SLC6A19: variants seen among roughly 807,000 people sequenced by gnomAD.
SLC6A19 encodes the protein sodium-dependent neutral amino acid transporter B(0)AT1.
SLC6A19 carries 67 observed loss-of-function variants against 68.3 expected under a neutral mutation model. The ratio of observed to expected loss-of-function variants is 0.98; its 90% confidence interval spans 0.81 to 1.20. SLC6A19 has a LOEUF of 1.20. Ranked by LOEUF, SLC6A19 falls within the 50% of genes most tolerant of loss-of-function variation. The pLI is 0.00. For synonymous variants in SLC6A19, 392 were observed against 374.9 expected (o/e 1.05, Z -0.53); for missense variants, 813 against 851.6 (o/e 0.95, Z 0.56).
rs746472432 is a variant in SLC6A19, at chr5:1,214,001, G to C, written c.823G>C (p.Val275Leu). 25 of 1,613,592 alleles carry C rather than the reference G, an allele frequency of 1.5e-5. No homozygotes were observed. The highest frequency in any genetic ancestry group is 2.1e-5 in the Non-Finnish European group (25 of 1,180,032). ...CACCTGGCTGGACGCGGGCGCACAG[G>C]TCTTCTTCTCCTTCTCCCTGGCCTT... ...PDTWLDAGAQ[V>L]FFSFSLAFGG... Residue 275 changes from valine to leucine, a missense_variant, in exon 6 of 12, where the codon GTC becomes CTC. Val to Leu is a conservative substitution (Grantham distance 32, BLOSUM62 1). Coordinates refer to ENST00000304460, the MANE Select transcript of SLC6A19 (RefSeq NM_001003841.3). The surrounding 1 kb of genome is among the most constrained non-coding windows in gnomAD (Gnocchi z 7.4).
In SLC6A19 at chr5:1,212,537, A is replaced by C. The variant is rs1218793907; in HGVS notation, c.663+53A>C. ...GGTGCTCCAGAGGGCGGGTGCGGGC[A>C]GCCCTGCCTCCGGCCGGCTGCACTC... On this transcript the variant is annotated intron_variant, in intron 4 of 11. Coordinates refer to ENST00000304460, the MANE Select transcript of SLC6A19 (RefSeq NM_001003841.3). The surrounding 1 kb of genome is among the most constrained non-coding windows in gnomAD (Gnocchi z 5.1). 1.3e-6 allele frequency: 2 copies of C among 1,593,010 alleles called. No individual in the cohort carries two copies. The highest frequency in any genetic ancestry group is 1.7e-6 in the Non-Finnish European group (2 of 1,174,674).
In SLC6A19 at chr5:1,209,347, ACAC is replaced by A. The variant is rs1316392135; in HGVS notation, c.343+462_343+464del. Among the ~76,000 whole-genome samples the A allele has an allele frequency of 6.6e-6, 1 of 152,168 alleles. No homozygotes were observed. The highest frequency in any genetic ancestry group is 6.5e-5 in the Admixed American group (1 of 15,278). On this transcript the variant is annotated intron_variant, in intron 2 of 11. Transcript: ENST00000304460. The surrounding 1 kb of genome is among the most constrained non-coding windows in gnomAD (Gnocchi z 5.5). ...GACCCAGTGCAGCCTCACCAAGAGGACACGGCTCATTAAGCCCTCAGAATATGG... is the reference window on the plus strand; with the variant it reads ...GACCCAGTGCAGCCTCACCAAGAGGAGGCTCATTAAGCCCTCAGAATATGG...
rs1318804719 is a variant in SLC6A19 at position 1,214,779 on chromosome 5, G to C, written c.887+714G>C. Among the ~76,000 whole-genome samples, 1 of 150,772 alleles carries C rather than the reference G, an allele frequency of 6.6e-6. No homozygotes were observed. Among genetic ancestry groups the C allele is most frequent in the African/African-American group, 2.4e-5 (1 of 41,026 alleles). On this transcript the variant is annotated intron_variant, in intron 6 of 11. Transcript: ENST00000304460. The surrounding 1 kb of genome is among the most constrained non-coding windows in gnomAD (Gnocchi z 7.4). ...CCTCCAGGCTGTGAAGGTGCGATTGGAGTCAGACACAGGGGACCCTCAGTG... is the reference window on the plus strand; with the variant it reads ...CCTCCAGGCTGTGAAGGTGCGATTGCAGTCAGACACAGGGGACCCTCAGTG...
At position 1,213,452 on chromosome 5, in the gene SLC6A19, G is replaced by C; in HGVS notation, c.664-11G>C. On this transcript the variant is annotated splice_polypyrimidine_tract_variant and intron_variant, in intron 4 of 11. Coordinates refer to ENST00000304460, the MANE Select transcript of SLC6A19 (RefSeq NM_001003841.3). ...ACTTCCCGCCCATCCCACATGTCCC[G>C]CCCTCCGCAGGCCGTGTACATCACC... The C allele has an allele frequency of 8.2e-7, 1 of 1,221,670 alleles. No homozygotes were observed. The highest frequency in any genetic ancestry group is 1.1e-6 in the Non-Finnish European group (1 of 928,580). The allele number at this position is 1,221,670 out of a possible 1,614,324, so 75.7% of individuals were successfully genotyped here. A position where few individuals can be genotyped will look rare whatever the true frequency, so the allele number is the denominator to read the frequency against.
rs772220705 is a variant in SLC6A19, at chr5:1,208,747, A to T, written c.204A>T (p.Gly68=). 2 of 1,613,318 alleles carry T rather than the reference A, an allele frequency of 1.2e-6. No individual in the cohort carries two copies. Among genetic ancestry groups the T allele is most frequent in the Admixed American group, 1.7e-5 (1 of 60,024 alleles). The change falls in exon 2 of 12, where the codon GGA becomes GGT. Residue 68 remains glycine (G), a splice_region_variant and synonymous_variant. Coordinates refer to ENST00000304460, the MANE Select transcript of SLC6A19 (RefSeq NM_001003841.3). The part of the protein sequence containing the change: ...FPYLCQSHGG[G]AFMIPFLILL... ...CATGGTGGACTCCTCCCATTGCAGG[A>T]GCCTTCATGATCCCGTTCCTCATCC...
intron 1 of SLC6A19, among the ~76,000 whole-genome samples, chr5:1,207,982 T>C (rs1003982228): frequency 6.6e-6 from 1 of 152,234 alleles, no homozygotes; most frequent in Non-Finnish European, 1.5e-5. Context: ...AAGACCGTTG[T>C]CACAGCAGAA....
intron 2 of SLC6A19, among the ~76,000 whole-genome samples, chr5:1,210,123 C>T (rs889015281): frequency 3.3e-5 from 5 of 152,274 alleles, no homozygotes; most frequent in African/African-American, 1.2e-4. Flanking sequence ...GGCCTGGATG[C>T]ACCTGCTGGA....
In SLC6A19 at chr5:1,212,715, C is replaced by A. The variant is rs1011580856; in HGVS notation, c.663+231C>A. ...CAGACTTGGGGCTCCAGGAACTTGA[C>A]GTTGGCCCACACGACACTTAGCGTT... is the stretch of plus-strand genomic sequence containing the variant. On this transcript the variant is annotated intron_variant, in intron 4 of 11. Transcript: ENST00000304460. The surrounding 1 kb of genome is among the most constrained non-coding windows in gnomAD (Gnocchi z 5.1). Among the ~76,000 whole-genome samples the A allele has an allele frequency of 6.6e-6, 1 of 152,014 alleles. No homozygotes were observed. Among genetic ancestry groups the A allele is most frequent in the East Asian group, 1.9e-4 (1 of 5,174 alleles).
At chr5:1,221,587 C>G in intron 11 of SLC6A19, 114 bp from the exon 12 acceptor site, 1 of 1,375,108 alleles carries the variant, frequency 7.3e-7, no homozygotes, top group East Asian at 2.4e-5. Context: ...CCCCAGGCCA[C>G]CCTGCCTGCC....
At chr5:1,208,413 G>T (rs1402403200) in intron 1 of SLC6A19, among the ~76,000 whole-genome samples, 1 of 152,218 alleles carries the variant, frequency 6.6e-6, no homozygotes, top group Admixed American at 6.5e-5. Flanking sequence ...GGGTGGGGAG[G>T]TCGATTCCCA....
At chr5:1,211,951 ATGTGTGCC>A (rs1218017377) in intron 3 of SLC6A19, among the ~76,000 whole-genome samples, 42 of 135,394 alleles carry the variant, frequency 3.1e-4, no homozygotes, top group African/African-American at 1.0e-3. Flanking sequence ...GCATGTGAGC[ATGTGTGCC>A]TGTGTGCATG....
chr5:1,210,977 G>A (rs1278945263), intron 3 of SLC6A19, among the ~76,000 whole-genome samples: 1 of 152,182 alleles, frequency 6.6e-6, no homozygotes, highest in African/African-American at 2.4e-5. Flanking sequence ...GCCCATGTGG[G>A]GCCCGCATTG....
intron 1 of SLC6A19, among the ~76,000 whole-genome samples, chr5:1,204,701 G>A (rs944721251): frequency 1.3e-5 from 2 of 152,244 alleles, no homozygotes; most frequent in Non-Finnish European, 2.9e-5. Context: ...ACAGGGCAGT[G>A]ATGGTGTCCG....
chr5:1,204,627 G>A (rs991088040), intron 1 of SLC6A19, among the ~76,000 whole-genome samples: 3 of 152,170 alleles, frequency 2.0e-5, no homozygotes, highest in Non-Finnish European at 4.4e-5. Flanking sequence ...GTCCCCGTCA[G>A]TGGCTGCTGA....
At position 1,215,728 on chromosome 5, in the gene SLC6A19, T is replaced by A. The variant is rs1355791944; in HGVS notation, c.888-830T>A. On this transcript the variant is annotated intron_variant, in intron 6 of 11. Transcript: ENST00000304460. The surrounding 1 kb of genome is among the most constrained non-coding windows in gnomAD (Gnocchi z 5.1). Reference sequence around the variant, plus strand: ...GTACGCGTTTTTGTGGACGCATGCTTTCGTTCTTCTGGGTGTGCGCCTAGG... The same window carrying A: ...GTACGCGTTTTTGTGGACGCATGCTATCGTTCTTCTGGGTGTGCGCCTAGG... Among the ~76,000 whole-genome samples the A allele has an allele frequency of 6.6e-6, 1 of 152,188 alleles. No individual in the cohort carries two copies. The highest frequency in any genetic ancestry group is 2.4e-5 in the African/African-American group (1 of 41,446).
chr5:1,203,382 C>G (rs944159885), intron 1 of SLC6A19, among the ~76,000 whole-genome samples: 7 of 152,180 alleles, frequency 4.6e-5, no homozygotes, highest in East Asian at 1.9e-4. Context: ...GGCGCTGCAC[C>G]CTGGGCCATG....
intron 1 of SLC6A19, among the ~76,000 whole-genome samples, chr5:1,204,508 C>G (rs1447779859): frequency 6.6e-6 from 1 of 152,214 alleles, no homozygotes; most frequent in Non-Finnish European, 1.5e-5. Context: ...CACTCACCCC[C>G]ACCTGGGAGC....
At chr5:1,204,787 C>A (rs1451603694) in intron 1 of SLC6A19, among the ~76,000 whole-genome samples, 1 of 152,248 alleles carries the variant, frequency 6.6e-6, no homozygotes. Context: ...CTGTTTCCAG[C>A]TGTCTCTTCT....
At chr5:1,207,212 C>T (rs542843164) in intron 1 of SLC6A19, among the ~76,000 whole-genome samples, 2 of 152,342 alleles carry the variant, frequency 1.3e-5, no homozygotes, top group South Asian at 2.1e-4. Flanking sequence ...CTGCCCTGGC[C>T]GGATGGGAGC....
Sources: gnomAD v4.1 joint callset for allele counts (sites outside exome capture counted in the v4.1 genomes callset) on GRCh38, gnomAD v4.1.1 for gene constraint, Gnocchi (gnomAD v3.1) non-coding constraint, MANE v1.5 for transcripts, NCBI Gene and HGNC (gene_info 2026-07-23, HGNC 2026-07-21) for gene names.